Variants in STARD13 observed in about 807,000 individuals in gnomAD.
The protein encoded by STARD13 is stAR-related lipid transfer protein 13.
In STARD13, 62 loss-of-function variants were observed where a neutral mutation model predicts 106.4. The observed-to-expected ratio is 0.58, with a 90% confidence interval of 0.48 to 0.72. The LOEUF is 0.72. Ranked by LOEUF, STARD13 falls within the 30% of genes least tolerant of loss-of-function variation. The probability of loss-of-function intolerance (pLI) is 0.00; values close to 1 mark genes in which losing one functional copy is unlikely to be tolerated. For missense variants in STARD13, 1,387 were observed against 1,424.0 expected (o/e 0.97, Z 0.42); for synonymous variants, 565 against 553.0 (o/e 1.02, Z -0.31).
chr13:33,653,237 G>C, the STARD13 span, among the ~76,000 whole-genome samples: 1 of 152,080 alleles, frequency 6.6e-6, no homozygotes, highest in Non-Finnish European at 1.5e-5. Flanking sequence ...TGAGGAAGAC[G>C]AACAAAGTTA....
upstream of STARD13, among the ~76,000 whole-genome samples, chr13:33,288,114 G>A (rs970781270): frequency 3.3e-5 from 5 of 151,852 alleles, no homozygotes; most frequent in Admixed American, 6.6e-5. Flanking sequence ...CAATAACAAC[G>A]ACAATAAAAC....
At chr13:33,355,762 T>C in the STARD13 span, 2 of 152,208 alleles carry the variant, frequency 1.3e-5, no homozygotes, top group Admixed American at 6.5e-5. Flanking sequence ...TCAAGCTGGG[T>C]CCTTGGATCA....
rs367614112 is a variant in STARD13, at chr13:33,165,340, C to A, written c.320G>T (p.Cys107Phe). ...FLEKDLVEPL[C>F]RRLNTLNKCA... ...AAAAATACTTCACATGGTTTACCTG[C>A]AAAGAGGTTCTACAAGGTCCTTTTC... The change falls in exon 3 of 14, where the codon TGC becomes TTC. Residue 107 changes from cysteine (C) to phenylalanine (F), a missense_variant. Physicochemically the swap from Cys to Phe is radical, Grantham distance 205. Transcript: ENST00000336934. The A allele has an allele frequency of 8.6e-5, 138 of 1,610,696 alleles. No individual in the cohort carries two copies. Among genetic ancestry groups the A allele is most frequent in the Non-Finnish European group, 1.1e-4 (133 of 1,177,044 alleles).
chr13:33,160,764 A>C (rs918635376), intron 3 of STARD13, among the ~76,000 whole-genome samples: 6 of 152,224 alleles, frequency 3.9e-5, no homozygotes, highest in African/African-American at 9.6e-5. Context: ...AAAAACTGAC[A>C]ATACTAAGTA....
chr13:33,194,274 A>C (rs1220041712), intron 1 of STARD13, among the ~76,000 whole-genome samples: 2 of 152,208 alleles, frequency 1.3e-5, no homozygotes, highest in Non-Finnish European at 2.9e-5. Context: ...CTTCACTTCA[A>C]AAAAACCTTA....
chr13:33,426,739 G>A, the STARD13 span, among the ~76,000 whole-genome samples: 6 of 152,128 alleles, frequency 3.9e-5, no homozygotes, highest in African/African-American at 7.2e-5. Flanking sequence ...GGTAAATAGA[G>A]TGTACTTATT....
At chr13:33,445,196 A>G in the STARD13 span, among the ~76,000 whole-genome samples, 1 of 152,048 alleles carries the variant, frequency 6.6e-6, no homozygotes, top group Non-Finnish European at 1.5e-5. Context: ...CAAAGGGCCC[A>G]TTTTTTCCTA....
chr13:33,128,649 C>G (rs1877623057), intron 5 of STARD13, among the ~76,000 whole-genome samples: 1 of 152,026 alleles, frequency 6.6e-6, no homozygotes, highest in South Asian at 2.1e-4. Flanking sequence ...CTATGGTGCC[C>G]AGTATAACGC....
intron 1 of STARD13, among the ~76,000 whole-genome samples, chr13:33,282,519 C>A (rs1406648334): frequency 6.6e-6 from 1 of 152,130 alleles, no homozygotes; most frequent in African/African-American, 2.4e-5. Context: ...CAGTGGGGAG[C>A]AACTTACTTG....
chr13:33,149,726 C>T (rs1464441405), intron 3 of STARD13, among the ~76,000 whole-genome samples: 1 of 152,170 alleles, frequency 6.6e-6, no homozygotes, highest in African/African-American at 2.4e-5. Flanking sequence ...TGTAAGAATA[C>T]AAATTGGATG....
chr13:33,292,881 C>T (rs1308202118), intron 1 of STARD13, among the ~76,000 whole-genome samples: 1 of 152,100 alleles, frequency 6.6e-6, no homozygotes, highest in African/African-American at 2.4e-5. Context: ...TTCCATTGCA[C>T]CGAGAATGAA....
At chr13:33,465,405 C>T in the STARD13 span, among the ~76,000 whole-genome samples, 3 of 152,094 alleles carry the variant, frequency 2.0e-5, no homozygotes, top group African/African-American at 7.2e-5. Context: ...CGGGAATTCA[C>T]CATCTTAGCC....
At chr13:33,397,311 C>A in the STARD13 span, among the ~76,000 whole-genome samples, 1 of 152,134 alleles carries the variant, frequency 6.6e-6, no homozygotes, top group African/African-American at 2.4e-5. Context: ...AAGGGGCAGG[C>A]ACACTTACTG....
At chr13:33,646,227 C>T in the STARD13 span, among the ~76,000 whole-genome samples, 113 of 152,280 alleles carry the variant, frequency 7.4e-4, 1 homozygote, top group South Asian at 1.2e-3. Flanking sequence ...TAGTCCTCAC[C>T]CAACTCATTT....
At chr13:33,602,446 G>T in the STARD13 span, among the ~76,000 whole-genome samples, 3 of 152,180 alleles carry the variant, frequency 2.0e-5, no homozygotes, top group Non-Finnish European at 2.9e-5. Context: ...ACTGAAAAAG[G>T]TTCAAAAGCA....
intron 1 of STARD13, among the ~76,000 whole-genome samples, chr13:33,224,374 CT>C (rs1187289278): frequency 1.4e-5 from 2 of 146,202 alleles, no homozygotes; most frequent in Non-Finnish European, 3.1e-5. Context: ...CTAAGTTATG[CT>C]TCAGTAACAA....
the STARD13 span, among the ~76,000 whole-genome samples, chr13:33,619,826 G>A: frequency 6.6e-6 from 1 of 152,156 alleles, no homozygotes; most frequent in Non-Finnish European, 1.5e-5. Flanking sequence ...ACTTTGGGAG[G>A]CCGAGGTCGG....
At chr13:33,469,936 T>TG in the STARD13 span, among the ~76,000 whole-genome samples, 1 of 152,136 alleles carries the variant, frequency 6.6e-6, no homozygotes, top group African/African-American at 2.4e-5. Flanking sequence ...ACTTTAAGTT[T>TG]GGGGTACATG....
chr13:33,639,782 C>G, the STARD13 span, among the ~76,000 whole-genome samples: 1 of 152,240 alleles, frequency 6.6e-6, no homozygotes, highest in Non-Finnish European at 1.5e-5. Context: ...TGTTCTGTAC[C>G]TCACTTCCGT....
Sources: allele counts gnomAD v4.1 joint callset (sites outside exome capture counted in the v4.1 genomes callset), GRCh38; gene constraint gnomAD v4.1.1; transcripts MANE v1.5; gene names NCBI Gene and HGNC (gene_info 2026-07-23, HGNC 2026-07-21).